Variants in DLC1 observed in about 807,000 individuals in gnomAD.
DLC1 encodes the protein DLC1 Rho GTPase activating protein.
A neutral mutation model predicts 140.3 loss-of-function variants in DLC1; 54 were observed. The observed-to-expected ratio is 0.38, with a 90% CI of 0.31 to 0.48. The LOEUF is 0.48. DLC1 is among the 20% of genes least tolerant of loss of function. DLC1 has a pLI of 0.96. For missense variants in DLC1, 2,536 were observed against 1,907.0 expected (o/e 1.33, Z -6.14); for synonymous variants, 986 against 728.1 (o/e 1.35, Z -5.70).
chr8:13,122,124 C>T (rs549013415), intron 5 of DLC1, among the ~76,000 whole-genome samples: 57 of 152,308 alleles, frequency 3.7e-4, no homozygotes, highest in African/African-American at 1.3e-3. Flanking sequence ...GATCCCCGAG[C>T]CACTGGGCTG....
chr8:13,498,124 T>A (rs1321678498), intron 2 of DLC1, among the ~76,000 whole-genome samples: 1 of 152,228 alleles, frequency 6.6e-6, no homozygotes, highest in Non-Finnish European at 1.5e-5. Flanking sequence ...CAAGGATATA[T>A]GTTTTAATCA....
chr8:13,106,936 T>C (rs1380612683), intron 7 of DLC1, among the ~76,000 whole-genome samples: 2 of 152,254 alleles, frequency 1.3e-5, no homozygotes, highest in Non-Finnish European at 2.9e-5. Flanking sequence ...ATCCTCGTAG[T>C]GAATCACAGT....
chr8:13,243,843 C>G (rs371832867), intron 5 of DLC1, among the ~76,000 whole-genome samples: 1 of 152,170 alleles, frequency 6.6e-6, no homozygotes, highest in East Asian at 1.9e-4. Context: ...CATTCTCTTC[C>G]TATTTGTTGA....
At chr8:13,440,081 A>G (rs1343299942) in intron 2 of DLC1, among the ~76,000 whole-genome samples, 1 of 152,176 alleles carries the variant, frequency 6.6e-6, no homozygotes, top group Non-Finnish European at 1.5e-5. Flanking sequence ...ACATTTGGGA[A>G]ATACTAGTTT....
In DLC1 at chr8:13,540,594, C is replaced by T. The variant is rs577698639; in HGVS notation, c.-125-40398G>A. ...TAGGCTTTGGTTATATCACATGTTT[C>T]CTACAAGTATTGTTCAAAAAGCATG... On this transcript the variant is annotated intron_variant, in intron 1 of 1. Transcript: ENST00000631382. Among the ~76,000 whole-genome samples, 6 of 152,276 alleles carry T rather than the reference C, an allele frequency of 3.9e-5. No individual in the cohort carries two copies. In the East Asian group the frequency reaches 9.7e-4, roughly 25 times the overall value.
intron 2 of DLC1, among the ~76,000 whole-genome samples, chr8:13,481,365 T>C (rs1800727716): frequency 6.6e-6 from 1 of 152,198 alleles, no homozygotes; most frequent in African/African-American, 2.4e-5. Context: ...AAGTTGAGGC[T>C]GCAGTGAGCC....
intron 5 of DLC1, among the ~76,000 whole-genome samples, chr8:13,266,615 G>A (rs999691356): frequency 1.3e-5 from 2 of 152,002 alleles, no homozygotes; most frequent in African/African-American, 2.4e-5. Flanking sequence ...TATGGTGGCA[G>A]GTGCCTGTAG....
intron 5 of DLC1, among the ~76,000 whole-genome samples, chr8:13,292,220 G>C (rs1831782865): frequency 6.6e-6 from 1 of 152,078 alleles, no homozygotes. Flanking sequence ...AAGACATTTT[G>C]AATGTGTCTC....
At chr8:13,465,304 A>T (rs1022492141) in intron 2 of DLC1, among the ~76,000 whole-genome samples, 2 of 152,176 alleles carry the variant, frequency 1.3e-5, no homozygotes, top group Non-Finnish European at 2.9e-5. Flanking sequence ...GAATGGTTAC[A>T]TTTAAGAGAT....
chr8:13,254,661 T>C (rs1033311009), intron 5 of DLC1, among the ~76,000 whole-genome samples: 20 of 128,204 alleles, frequency 1.6e-4, no homozygotes, highest in Non-Finnish European at 3.1e-4. Flanking sequence ...TATTGGAAAC[T>C]ACTGACTAAA....
At chr8:13,261,926 C>T (rs1482857887) in intron 5 of DLC1, among the ~76,000 whole-genome samples, 1 of 152,138 alleles carries the variant, frequency 6.6e-6, no homozygotes, top group African/African-American at 2.4e-5. Context: ...AATAATAATT[C>T]AGGAAAAGCT....
chr8:13,403,522 G>C (rs1337806059), intron 2 of DLC1, among the ~76,000 whole-genome samples: 1 of 152,208 alleles, frequency 6.6e-6, no homozygotes, highest in East Asian at 1.9e-4. Context: ...CTTAAAGGTT[G>C]CTATAAAGTG....
At chr8:13,428,654 G>C (rs1838714416) in intron 2 of DLC1, among the ~76,000 whole-genome samples, 1 of 151,916 alleles carries the variant, frequency 6.6e-6, no homozygotes, top group Non-Finnish European at 1.5e-5. Context: ...TATGCCTCGG[G>C]AGATTGTAGG....
At chr8:13,109,467 G>GGATC (rs1819878828) in intron 7 of DLC1, among the ~76,000 whole-genome samples, 3 of 152,074 alleles carry the variant, frequency 2.0e-5, no homozygotes, top group Admixed American at 2.0e-4. Context: ...TGAAGTGGGA[G>GGATC]GATCACCTGT....
chr8:13,397,426 AG>A (rs1837098518), intron 3 of DLC1, among the ~76,000 whole-genome samples: 1 of 152,194 alleles, frequency 6.6e-6, no homozygotes, highest in Non-Finnish European at 1.5e-5. Flanking sequence ...AAGGAAGAGA[AG>A]CAGGTAAATC....
intron 10 of DLC1, among the ~76,000 whole-genome samples, chr8:13,096,500 T>C (rs1009009843): frequency 6.6e-6 from 1 of 152,052 alleles, no homozygotes; most frequent in South Asian, 2.1e-4. Context: ...TGTGGTATCA[T>C]GGCTATAAGT....
At chr8:13,347,899 C>G (rs1834431185) in intron 4 of DLC1, among the ~76,000 whole-genome samples, 1 of 152,116 alleles carries the variant, frequency 6.6e-6, no homozygotes, top group Admixed American at 6.6e-5. Flanking sequence ...ACCATCCTGG[C>G]TAACACAGTG....
chr8:13,121,105 T>C (rs1236718534), intron 5 of DLC1, among the ~76,000 whole-genome samples: 1 of 152,188 alleles, frequency 6.6e-6, no homozygotes. Context: ...AAAAATGCAA[T>C]TTTAAGAAAT....
intron 4 of DLC1, among the ~76,000 whole-genome samples, chr8:13,378,244 G>GA (rs144210040): frequency 0.012 from 1,868 of 149,980 alleles, 46 homozygotes; most frequent in African/African-American, 0.04. Flanking sequence ...CCTAATTCCA[G>GA]AAAAAAATCT....
Sources: allele counts gnomAD v4.1 joint callset (sites outside exome capture counted in the v4.1 genomes callset), GRCh38; gene constraint gnomAD v4.1.1; transcripts MANE v1.5; gene names NCBI Gene and HGNC (gene_info 2026-07-23, HGNC 2026-07-21).